Variants in OTOGL observed in about 807,000 individuals in gnomAD.
The protein encoded by OTOGL is otogelin like, also known as otogelin-like protein.
In OTOGL, 285 loss-of-function variants were observed where a neutral mutation model predicts 318.5. The observed-to-expected ratio is 0.89, with a 90% CI of 0.81 to 0.99. OTOGL has a LOEUF of 0.99. OTOGL is among the 50% of genes least tolerant of loss of function. The probability of loss-of-function intolerance (pLI) is 0.00; values close to 1 mark genes in which losing one functional copy is unlikely to be tolerated. For synonymous variants in OTOGL, 987 were observed against 936.5 expected, an observed-to-expected ratio of 1.05 and a Z score of -0.99; for missense variants, 2,899 against 2,845.6, an observed-to-expected ratio of 1.02 and a Z score of -0.43.
chr12:80,277,430 C>T (rs912124362), intron 24 of OTOGL, among the ~76,000 whole-genome samples: 1 of 146,436 alleles, frequency 6.8e-6, no homozygotes, highest in Non-Finnish European at 1.5e-5. Flanking sequence ...TTAATTCTTA[C>T]CCGAGATTAG....
intron 5 of OTOGL, among the ~76,000 whole-genome samples, chr12:80,219,372 A>G (rs1484336885): frequency 6.6e-6 from 1 of 152,224 alleles, no homozygotes; most frequent in Non-Finnish European, 1.5e-5. Context: ...TTGGCTTCCC[A>G]GAGTGCTGGG....
rs1478915329 is a variant in OTOGL, at chr12:80,278,151, T to C, written c.2682-17T>C. 1 of 1,514,378 alleles carries C rather than the reference T, an allele frequency of 6.6e-7. No homozygotes were observed. The highest frequency in any genetic ancestry group is 2.0e-5 in the Admixed American group (1 of 50,696). 93.8% of individuals were successfully genotyped at this position (1,514,378 alleles called of 1,614,324 possible). On this transcript the variant is annotated splice_polypyrimidine_tract_variant and intron_variant, in intron 24 of 58. Coordinates refer to ENST00000547103, the MANE Select transcript of OTOGL (RefSeq NM_001378609.3). ...CTGTAGTTCATACTAAATAGCATTT[T>C]ATTCTTCATTTGGAAGAATGGCAGA...
chr12:80,144,794 C>A (rs1308251688), intron 1 of OTOGL, among the ~76,000 whole-genome samples: 1 of 152,162 alleles, frequency 6.6e-6, no homozygotes, highest in East Asian at 1.9e-4. Context: ...ATTTGCATTT[C>A]TCTGATGGCC....
At position 80,340,667 on chromosome 12, in the gene OTOGL, G is replaced by T. The variant is rs534909688; in HGVS notation, c.5051-1281G>T. Reference sequence around the variant, plus strand: ...TTCCTTGACCTCCACAATGAGAGAAGTATACTTCATTAAAGGGAAATCTGG... The same window carrying T: ...TTCCTTGACCTCCACAATGAGAGAATTATACTTCATTAAAGGGAAATCTGG... On this transcript the variant is annotated intron_variant, in intron 43 of 58. Coordinates refer to ENST00000547103, the MANE Select transcript of OTOGL (RefSeq NM_001378609.3). Among the ~76,000 whole-genome samples, 13 of 152,216 alleles carry T rather than the reference G, an allele frequency of 8.5e-5. No homozygotes were observed. In the East Asian group the frequency reaches 2.5e-3, roughly 29 times the overall value.
At chr12:80,111,534 GT>G (rs1869837449) in intron 1 of OTOGL, among the ~76,000 whole-genome samples, 1 of 152,084 alleles carries the variant, frequency 6.6e-6, no homozygotes, top group African/African-American at 2.4e-5. Context: ...TTTTTGTCAG[GT>G]TTGTCAAAGA....
At chr12:80,216,913 G>C (rs186632726) in intron 4 of OTOGL, among the ~76,000 whole-genome samples, 1 of 151,902 alleles carries the variant, frequency 6.6e-6, no homozygotes, top group Non-Finnish European at 1.5e-5. Flanking sequence ...AAACCTGCAC[G>C]TTGTGCACAT....
At chr12:80,104,300 G>A (rs1869321491) in intron 1 of OTOGL, among the ~76,000 whole-genome samples, 1 of 152,176 alleles carries the variant, frequency 6.6e-6, no homozygotes. Flanking sequence ...AGATTGCTGG[G>A]AAGATTGAAT....
intron 1 of OTOGL, among the ~76,000 whole-genome samples, chr12:80,138,611 T>C (rs553352135): frequency 6.6e-6 from 1 of 152,304 alleles, no homozygotes; most frequent in Admixed American, 6.5e-5. Context: ...TCAATTACTT[T>C]AGTGGTCAAA....
chr12:80,327,708 C>G (rs925599376), intron 35 of OTOGL, among the ~76,000 whole-genome samples: 2 of 151,198 alleles, frequency 1.3e-5, no homozygotes, highest in African/African-American at 4.9e-5. Flanking sequence ...GCCTGTAATC[C>G]CAGCACTTTG....
chr12:80,216,888 G>A (rs527919341), intron 4 of OTOGL, among the ~76,000 whole-genome samples: 1 of 152,070 alleles, frequency 6.6e-6, no homozygotes, highest in Non-Finnish European at 1.5e-5. Flanking sequence ...CATGGCACAT[G>A]TATACATATG....
intron 1 of OTOGL, among the ~76,000 whole-genome samples, chr12:80,101,808 C>A (rs563643351): frequency 1.3e-5 from 2 of 152,118 alleles, no homozygotes; most frequent in Admixed American, 1.3e-4. Context: ...TGAGCCCACA[C>A]CATACCTGTA....
At chr12:80,356,292 T>G in intron 47 of OTOGL, 124 bp from the exon 48 acceptor site, 1 of 716,690 alleles carries the variant, frequency 1.4e-6, no homozygotes. Flanking sequence ...TGTAAAAACA[T>G]GCATAATGAG....
At chr12:80,112,709 C>CTTTTTTTTTT (rs144605517) in intron 1 of OTOGL, among the ~76,000 whole-genome samples, 1 of 140,220 alleles carries the variant, frequency 7.1e-6, no homozygotes. Flanking sequence ...AATTTTCTTT[C>CTTTTTTTTTT]TTTTTTTTTT....
At position 80,169,540 on chromosome 12, in the gene OTOGL, A is replaced by G. The variant is rs147031801; in HGVS notation, c.-19-39873A>G. On this transcript the variant is annotated intron_variant, in intron 1 of 58. Coordinates refer to ENST00000547103, the MANE Select transcript of OTOGL (RefSeq NM_001378609.3). ...GCTATTGTTTTATTTTTAAATTTACATAGTGTGACACAATTTTTTTTGCTA... is the reference window on the plus strand; with the variant it reads ...GCTATTGTTTTATTTTTAAATTTACGTAGTGTGACACAATTTTTTTTGCTA... 5.8e-3 allele frequency among the ~76,000 whole-genome samples: 889 copies of G among 152,342 alleles called. 6 individuals are homozygous for G. Among genetic ancestry groups the G allele is most frequent in the African/African-American group, 0.02 (832 of 41,586 alleles).
At chr12:80,263,278 A>G (rs1437789190) in intron 19 of OTOGL, among the ~76,000 whole-genome samples, 2 of 151,990 alleles carry the variant, frequency 1.3e-5, no homozygotes, top group African/African-American at 2.4e-5. Flanking sequence ...TCCTCCTTCA[A>G]CTACTCTTGT....
rs567647410 is a variant in OTOGL, at chr12:80,191,590, A to G, written c.-19-17823A>G. ...ATAACCAAATATGATTACATTTTAT[A>G]AAGTTTTATTCTGTTATTTGTCCTT... On this transcript the variant is annotated intron_variant, in intron 1 of 58. Coordinates refer to ENST00000547103, the MANE Select transcript of OTOGL (RefSeq NM_001378609.3). Among the ~76,000 whole-genome samples the G allele has an allele frequency of 2.0e-5, 3 of 152,260 alleles. No homozygotes were observed. The South Asian group carries it at 6.2e-4, about 31-fold the overall frequency.
At chr12:80,214,571 T>G (rs1877536467) in intron 4 of OTOGL, among the ~76,000 whole-genome samples, 1 of 152,156 alleles carries the variant, frequency 6.6e-6, no homozygotes, top group African/African-American at 2.4e-5. Context: ...GCTGAGAGGA[T>G]GTGGGGAGAG....
intron 53 of OTOGL, 36 bp from the exon 54 acceptor site, chr12:80,367,525 G>A (rs1215447452): frequency 7.1e-7 from 1 of 1,406,512 alleles, no homozygotes; most frequent in East Asian, 2.6e-5. Flanking sequence ...AAACTCAACA[G>A]TATATTTTCT....
At chr12:80,277,592 G>A (rs988793357) in intron 24 of OTOGL, among the ~76,000 whole-genome samples, 26 of 151,042 alleles carry the variant, frequency 1.7e-4, no homozygotes, top group African/African-American at 5.1e-4. Flanking sequence ...ACACTTGAAG[G>A]AAAACCAACA....
Sources: allele counts gnomAD v4.1 joint callset (sites outside exome capture counted in the v4.1 genomes callset), GRCh38; gene constraint gnomAD v4.1.1; transcripts MANE v1.5; gene names NCBI Gene and HGNC (gene_info 2026-07-23, HGNC 2026-07-21).